The following CFAP410 variants were observed in gnomAD, a reference collection of about 807,000 sequenced individuals.
CFAP410 encodes cilia- and flagella-associated protein 410.
In CFAP410, 27 loss-of-function variants were observed where a neutral mutation model predicts 25.7. That is an observed-to-expected ratio of 1.05 (90% CI 0.77 to 1.45). The LOEUF is 1.45. Among genes scored for constraint, CFAP410 ranks in the 40% most tolerant of loss-of-function variants. The pLI is 0.00. For missense variants in CFAP410, 428 were observed against 354.1 expected, an observed-to-expected ratio of 1.21 and a Z score of -1.67; for synonymous variants, 178 against 158.4, an observed-to-expected ratio of 1.12 and a Z score of -0.93.
chr21:44,338,750 C>T (rs111119177), intron 1 of CFAP410: 3 of 134,578 alleles, frequency 2.2e-5, no homozygotes, highest in African/African-American at 8.4e-5. Flanking sequence ...GCCCCTCCCC[C>T]CTTCCACTCC....
intron 3 of CFAP410, chr21:44,334,133 T>C: frequency 4.4e-6 from 2 of 456,310 alleles, no homozygotes; most frequent in South Asian, 1.5e-5. Flanking sequence ...CAGCGTGATG[T>C]ACCGACCGCG....
chr21:44,332,069 C>T (rs2047660711), intron 4 of CFAP410, 55 bp from the exon 5 acceptor site: 6 of 1,447,286 alleles, frequency 4.1e-6, no homozygotes, highest in Non-Finnish European at 4.7e-6. Flanking sequence ...GTGCAGGCCA[C>T]ATGCACTGCA....
intron 5 of CFAP410, 104 bp from the exon 6 acceptor site, chr21:44,331,023 T>A: frequency 9.4e-7 from 1 of 1,062,150 alleles, no homozygotes; most frequent in Non-Finnish European, 1.3e-6. Context: ...GAGGGGCTCA[T>A]ACAAATCCCA....
chr21:44,337,967 CAGA>C (rs1461438055), intron 1 of CFAP410, among the ~76,000 whole-genome samples: 1 of 152,172 alleles, frequency 6.6e-6, no homozygotes, highest in African/African-American at 2.4e-5. Context: ...CCCTGAGTAG[CAGA>C]AGGTTCATTT....
Position 44,330,565 on chromosome 21 carries a change from C to T in CFAP410, c.643-239G>A, listed in dbSNP as rs536433942. On this transcript the variant is annotated intron_variant, in intron 6 of 6. Coordinates refer to ENST00000339818, the MANE Select transcript of CFAP410 (RefSeq NM_004928.3). ...TGCCCTCAGCCCAGCAGGGCCCGGGCCCACATTCCACAGACCAGGACAGCA... is the reference window on the plus strand; with the variant it reads ...TGCCCTCAGCCCAGCAGGGCCCGGGTCCACATTCCACAGACCAGGACAGCA... 7 of 1,549,500 alleles carry T rather than the reference C, an allele frequency of 4.5e-6. No individual in the cohort carries two copies. In the African/African-American group the frequency reaches 5.5e-5, roughly 12 times the overall value.
chr21:44,330,507 G>C, intron 6 of CFAP410, 181 bp from the exon 7 acceptor site: 1 of 1,545,774 alleles, frequency 6.5e-7, no homozygotes, highest in South Asian at 1.2e-5. Flanking sequence ...GCCTGTGGAC[G>C]CGTGTGTGGC....
At chr21:44,334,423 C>T (rs2047709598) in intron 3 of CFAP410, 2 of 380,514 alleles carry the variant, frequency 5.3e-6, no homozygotes, top group Admixed American at 3.0e-5. Context: ...CGGAGGCAGG[C>T]CTGAAATCCC....
chr21:44,335,848 C>CTGAGGCAGGAA, intron 2 of CFAP410, 44 bp from the exon 3 acceptor site: 3 of 1,481,734 alleles, frequency 2.0e-6, no homozygotes. Flanking sequence ...CACAGCAGGG[C>CTGAGGCAGGAA]ATCGCGGCCG....
rs1395990265 is a variant in CFAP410 at position 44,335,624 on chromosome 21, C to A, written c.143+134G>T. ...CAGCTCTCGCTGTCCCGGCCCCTCC[C>A]CTTCTGGAAGCCGCCCTCAGTCTGT... is the stretch of plus-strand genomic sequence containing the variant. On this transcript the variant is annotated intron_variant, in intron 3 of 6. Transcript: ENST00000339818. The A allele has an allele frequency of 4.2e-6, 3 of 706,778 alleles. No individual in the cohort carries two copies. In the Admixed American group the frequency reaches 7.4e-5, roughly 17 times the overall value. The allele number at this position is 706,778 out of a possible 1,614,324, so 43.8% of individuals were successfully genotyped here.
At position 44,333,212 on chromosome 21, in the gene CFAP410, C is replaced by T; in HGVS notation, c.194G>A (p.Ser65Asn). The T allele has an allele frequency of 5.6e-6, 9 of 1,612,956 alleles. No homozygotes were observed. Among genetic ancestry groups the T allele is most frequent in the Non-Finnish European group, 7.6e-6 (9 of 1,179,942 alleles). Residue 65 changes from serine (S) to asparagine (N), a missense_variant, in exon 4 of 7, where the codon AGT becomes AAT. By Grantham distance (46) the Ser-to-Asn change is conservative (BLOSUM62 1). Transcript: ENST00000339818. ...GCGGTTCCTCCGCAGGTACAGCTCA[C>T]TCAGGCGCTGGCACCGGCTCACAGG... ...LEPVSRCQRL[S>N]ELYLRRNRIP...
chr21:44,333,245 G>T lies in CFAP410; in HGVS notation c.161C>A (p.Thr54Asn). 1 of 1,611,950 alleles carries T rather than the reference G, an allele frequency of 6.2e-7. No homozygotes were observed. The highest frequency in any genetic ancestry group is 8.5e-7 in the Non-Finnish European group (1 of 1,179,546). The change falls in exon 4 of 7, where the codon ACC (threonine) becomes AAC (asparagine). Residue 54 changes from threonine (T) to asparagine (N), a missense_variant. Thr to Asn is a moderately conservative substitution (Grantham distance 65). Transcript: ENST00000339818. ...VITLSVNSISTLEPVSRCQRL... is the reference protein window; with the variant it reads ...VITLSVNSISNLEPVSRCQRL... ...CTGGCACCGGCTCACAGGCTCCAGG[G>T]TGGAGATGCTGTTGACACTGCACGG...
rs372614395 is a variant in CFAP410, at chr21:44,331,962, A to G, written c.426T>C (p.Thr142=). The G allele has an allele frequency of 3.3e-5, 53 of 1,613,468 alleles. No individual in the cohort carries two copies. In the African/African-American group the frequency reaches 6.3e-4, roughly 19 times the overall value. ...SRALSEGEEI[T]AAPEREGTGH... The stretch of plus-strand genomic sequence containing the variant: ...CTGTGCCCTCTCTCTCTGGGGCCGC[A>G]GTGATCTCCTCTCCCTCACTCAGTG... Residue 142 remains threonine (T), a synonymous_variant, in exon 5 of 7, where the codon ACT becomes ACC. Transcript: ENST00000339818.
At position 44,329,544 on chromosome 21, in the gene CFAP410, C is replaced by T. The variant is rs1047990563; in HGVS notation, c.*654G>A. ...GCTGCTTCCTGTGCCAGGCCCGGAC[C>T]CCAGGGCGAACAGGCCTGTTCATCC... On this transcript the variant is annotated 3_prime_UTR_variant, in exon 7 of 7. Transcript: ENST00000339818. 1 of 152,434 alleles carries T rather than the reference C, an allele frequency of 6.6e-6. No individual in the cohort carries two copies. The highest frequency in any genetic ancestry group is 1.9e-4 in the East Asian group (1 of 5,186). The allele number at this position is 152,434 out of a possible 1,614,324, so 9.4% of individuals were successfully genotyped here. A position where few individuals can be genotyped will look rare whatever the true frequency, so the allele number is the denominator to read the frequency against.
At chr21:44,336,711 C>T (rs1416285693) in intron 2 of CFAP410, 1 of 152,124 alleles carries the variant, frequency 6.6e-6, no homozygotes, top group African/African-American at 2.4e-5. Context: ...AGATTACACC[C>T]AGATGCCACG....
At position 44,335,772 on chromosome 21, in the gene CFAP410, C is replaced by A; in HGVS notation, c.129G>T (p.Glu43Asp). 1 of 1,592,106 alleles carries A rather than the reference C, an allele frequency of 6.3e-7. No homozygotes were observed. The change falls in exon 3 of 7, where the codon GAG becomes GAT. Residue 43 changes from glutamate to aspartate, a missense_variant. Transcript: ENST00000339818. ...ISICQEMPSL[E>D]VITLSVNSIS... ...GAGCGAGGTACCTGAGCGTGATCAC[C>A]TCCAGGCTGGGCATCTCCTGGCAAA...
At chr21:44,334,527 C>CTCTGGGCGGGCACGCGCA (rs2047716985) in intron 3 of CFAP410, 1 of 17,862 alleles carries the variant, frequency 5.6e-5, no homozygotes, top group African/African-American at 3.3e-4. Flanking sequence ...ACCCCCCCCC[C>CTCTGGGCGGGCACGCGCA]CCCCCCGCTC....
rs755186566 is a variant in CFAP410 at position 44,335,834 on chromosome 21, A to G, written c.97-30T>C. The G allele has an allele frequency of 4.5e-6, 7 of 1,556,990 alleles. No individual in the cohort carries two copies. The South Asian group carries it at 5.8e-5, about 13-fold the overall frequency. On this transcript the variant is annotated intron_variant, in intron 2 of 6. Transcript: ENST00000339818. The stretch of plus-strand genomic sequence containing the variant: ...GAGGAAAAGAACATGACTAGCAAGC[A>G]TGGCACAGCAGGGCATCGCGGCCGC...
Position 44,335,775 on chromosome 21 carries a change from C to G in CFAP410, c.126G>C (p.Leu42=), listed in dbSNP as rs761779834. The part of the protein sequence containing the change: ...DISICQEMPS[L]EVITLSVNSI... ...CGAGGTACCTGAGCGTGATCACCTCCAGGCTGGGCATCTCCTGGCAAATGG... is the reference window on the plus strand; with the variant it reads ...CGAGGTACCTGAGCGTGATCACCTCGAGGCTGGGCATCTCCTGGCAAATGG... Residue 42 remains leucine, a synonymous_variant, in exon 3 of 7, where the codon CTG becomes CTC. Transcript: ENST00000339818. The G allele has an allele frequency of 6.3e-7, 1 of 1,592,544 alleles. No individual in the cohort carries two copies. The highest frequency in any genetic ancestry group is 8.6e-7 in the Non-Finnish European group (1 of 1,168,730).
Position 44,331,954 on chromosome 21 carries a change from G to A in CFAP410, c.434C>T (p.Pro145Leu), listed in dbSNP as rs2047657019. 3.7e-6 allele frequency: 6 copies of A among 1,613,422 alleles called. No homozygotes were observed. The highest frequency in any genetic ancestry group is 5.1e-6 in the Non-Finnish European group (6 of 1,179,810). The change falls in exon 5 of 7, where the codon CCA (proline) becomes CTA (leucine). Residue 145 changes from proline to leucine, a missense_variant. Physicochemically the swap from Pro to Leu is moderately conservative, Grantham distance 98 (BLOSUM62 -3). Transcript: ENST00000339818. ...LSEGEEITAAPEREGTGHGGP... is the reference protein window; with the variant it reads ...LSEGEEITAALEREGTGHGGP... Reference sequence around the variant, plus strand: ...GCCGTGGCCTGTGCCCTCTCTCTCTGGGGCCGCAGTGATCTCCTCTCCCTC... The same window carrying A: ...GCCGTGGCCTGTGCCCTCTCTCTCTAGGGCCGCAGTGATCTCCTCTCCCTC...
Sources: gnomAD v4.1 joint callset for allele counts (sites outside exome capture counted in the v4.1 genomes callset) on GRCh38, gnomAD v4.1.1 for gene constraint, MANE v1.5 for transcripts, NCBI Gene and HGNC (gene_info 2026-07-23, HGNC 2026-07-21) for gene names.